The following PTPRD variants were observed in gnomAD, a reference collection of about 807,000 sequenced individuals.
The protein encoded by PTPRD is protein tyrosine phosphatase receptor type D.
Under a neutral mutation model 214.5 loss-of-function variants are expected in PTPRD, and 34 were observed. The observed-to-expected ratio is 0.16, with a 90% CI of 0.12 to 0.21. The LOEUF is 0.21. Among genes scored for constraint, PTPRD ranks in the 10% least tolerant of loss-of-function variants. PTPRD has a pLI of 1.00. For missense variants in PTPRD, 2,545 were observed against 2,398.7 expected, an observed-to-expected ratio of 1.06 and a Z score of -1.27; for synonymous variants, 1,128 against 845.7, an observed-to-expected ratio of 1.33 and a Z score of -5.79.
chr9:8,531,513 A>C (rs1299466761), intron 14 of PTPRD, among the ~76,000 whole-genome samples: 1 of 152,088 alleles, frequency 6.6e-6, no homozygotes, highest in East Asian at 1.9e-4. Context: ...AACACCAACT[A>C]TACCGCCTTC....
intron 4 of PTPRD, among the ~76,000 whole-genome samples, chr9:10,023,313 T>G (rs984942034): frequency 6.6e-6 from 1 of 152,156 alleles, no homozygotes; most frequent in Non-Finnish European, 1.5e-5. Context: ...AGGGCTTCCA[T>G]TGGGAAAGGA....
intron 2 of PTPRD, among the ~76,000 whole-genome samples, chr9:10,380,262 G>T (rs777452483): frequency 6.6e-6 from 1 of 151,952 alleles, no homozygotes. Context: ...TTCCTAAAAC[G>T]CTTTGCTATG....
At chr9:9,740,649 C>T (rs1008349499) in intron 6 of PTPRD, among the ~76,000 whole-genome samples, 6 of 152,172 alleles carry the variant, frequency 3.9e-5, no homozygotes, top group African/African-American at 1.2e-4. Flanking sequence ...CAGGCCTGAG[C>T]CACCGCACCT....
chr9:9,437,004 G>C (rs1205577763), intron 8 of PTPRD, among the ~76,000 whole-genome samples: 2 of 151,950 alleles, frequency 1.3e-5, no homozygotes. Flanking sequence ...TCCGTTGTTT[G>C]TGTTATGTAG....
rs2099074131 is a variant in PTPRD at position 10,153,444 on chromosome 9, C to G, written c.-544-119654G>C. The stretch of plus-strand genomic sequence containing the variant: ...CAAAGATTAAATGATTTTATCTTTC[C>G]AGACATTTACACTTTGGGCATTTAC... On this transcript the variant is annotated intron_variant, in intron 3 of 45. Transcript: ENST00000381196. Among the ~76,000 whole-genome samples, 3 of 150,800 alleles carry G rather than the reference C, an allele frequency of 2.0e-5. No homozygotes were observed. The South Asian group carries it at 6.3e-4, about 32-fold the overall frequency.
chr9:8,507,944 C>G (rs1017601344), intron 21 of PTPRD, among the ~76,000 whole-genome samples: 3 of 152,084 alleles, frequency 2.0e-5, no homozygotes, highest in African/African-American at 4.8e-5. Context: ...CAGAATCACT[C>G]AGCATTTTTT....
At chr9:9,282,307 G>A (rs1807018303) in intron 9 of PTPRD, among the ~76,000 whole-genome samples, 1 of 151,160 alleles carries the variant, frequency 6.6e-6, no homozygotes, top group Non-Finnish European at 1.5e-5. Context: ...TAATGGGGCA[G>A]GATATGTAGG....
At chr9:10,204,389 C>T (rs2099455219) in intron 3 of PTPRD, among the ~76,000 whole-genome samples, 1 of 152,082 alleles carries the variant, frequency 6.6e-6, no homozygotes, top group South Asian at 2.1e-4. Flanking sequence ...CCTCTAAATA[C>T]ATAAAAGGCC....
At chr9:8,439,744 A>G (rs1015630735) in intron 34 of PTPRD, among the ~76,000 whole-genome samples, 3 of 152,106 alleles carry the variant, frequency 2.0e-5, no homozygotes, top group Admixed American at 6.6e-5. Context: ...AATATTGAAA[A>G]AAAATGTTAT....
chr9:9,442,767 G>C (rs1489136484), intron 8 of PTPRD, among the ~76,000 whole-genome samples: 2 of 152,078 alleles, frequency 1.3e-5, no homozygotes, highest in African/African-American at 4.8e-5. Context: ...GGCCATACTG[G>C]GAATGTCTTC....
chr9:8,994,658 T>TTG (rs1451952003), intron 11 of PTPRD, among the ~76,000 whole-genome samples: 1 of 151,768 alleles, frequency 6.6e-6, no homozygotes, highest in East Asian at 1.9e-4. Context: ...CAATTACGGT[T>TTG]GGAGGGGGGG....
At chr9:9,439,196 T>C (rs948543598) in intron 8 of PTPRD, among the ~76,000 whole-genome samples, 45 of 23,664 alleles carry the variant, frequency 1.9e-3, no homozygotes, top group African/African-American at 8.7e-3. Context: ...TACATTAGAT[T>C]TTTTTTTAAT....
intron 11 of PTPRD, among the ~76,000 whole-genome samples, chr9:8,831,337 A>G (rs2097286524): frequency 6.6e-6 from 1 of 152,194 alleles, no homozygotes; most frequent in Non-Finnish European, 1.5e-5. Flanking sequence ...TTAAAAATTT[A>G]AAACAATCTC....
chr9:9,318,379 TA>T (rs1964549330), intron 9 of PTPRD, among the ~76,000 whole-genome samples: 2 of 152,166 alleles, frequency 1.3e-5, no homozygotes, highest in African/African-American at 4.8e-5. Flanking sequence ...AATTGACTGA[TA>T]TTTTTTAAAG....
At chr9:9,032,536 C>A (rs2099608880) in intron 10 of PTPRD, among the ~76,000 whole-genome samples, 1 of 151,956 alleles carries the variant, frequency 6.6e-6, no homozygotes, top group Admixed American at 6.6e-5. Context: ...CCTCCCTTGC[C>A]CCCAAGGACT....
At chr9:8,512,832 C>G (rs911582201) in intron 21 of PTPRD, among the ~76,000 whole-genome samples, 2 of 151,954 alleles carry the variant, frequency 1.3e-5, no homozygotes. Flanking sequence ...TATAATGCCT[C>G]TAATTAGCAT....
At chr9:9,357,875 C>T (rs976196759) in intron 9 of PTPRD, among the ~76,000 whole-genome samples, 1 of 150,858 alleles carries the variant, frequency 6.6e-6, no homozygotes, top group Non-Finnish European at 1.5e-5. Context: ...TCCCAGGTAA[C>T]ATCTTTACCT....
At chr9:9,080,433 T>A (rs1439272208) in intron 10 of PTPRD, among the ~76,000 whole-genome samples, 3 of 152,140 alleles carry the variant, frequency 2.0e-5, no homozygotes, top group Admixed American at 2.0e-4. Flanking sequence ...ATGTGCCACA[T>A]ATTGTTTGAA....
intron 10 of PTPRD, among the ~76,000 whole-genome samples, chr9:9,164,437 G>T (rs1348721409): frequency 3.9e-5 from 6 of 152,084 alleles, no homozygotes; most frequent in African/African-American, 1.4e-4. Flanking sequence ...GTACTCTTCT[G>T]ATCACGATAT....
Sources: allele counts gnomAD v4.1 joint callset (sites outside exome capture counted in the v4.1 genomes callset), GRCh38; gene constraint gnomAD v4.1.1; transcripts MANE v1.5; gene names NCBI Gene and HGNC (gene_info 2026-07-23, HGNC 2026-07-21).